AP4B1: variants seen among roughly 807,000 people sequenced by gnomAD.
AP4B1 encodes the protein adaptor related protein complex 4 subunit beta 1, also known as AP-4 complex subunit beta-1.
Under a neutral mutation model 76.5 loss-of-function variants are expected in AP4B1, and 49 were observed. The ratio of observed to expected loss-of-function variants is 0.64; its 90% CI spans 0.51 to 0.81. The LOEUF (loss-of-function observed/expected upper bound fraction) is 0.81, where lower values mean the gene tolerates loss of function less well. AP4B1 is among the 40% of genes least tolerant of loss of function. The pLI is 0.00. For synonymous variants in AP4B1, 330 were observed against 333.3 expected, an observed-to-expected ratio of 0.99 and a Z score of 0.11; for missense variants, 911 against 904.9, an observed-to-expected ratio of 1.01 and a Z score of -0.09.
At chr1:113,897,782 AG>A in intron 7 of AP4B1, 57 bp downstream of exon 7, 8 of 1,566,934 alleles carry the variant, frequency 5.1e-6, no homozygotes, top group Non-Finnish European at 7.0e-6. Context: ...TCCATTTCAA[AG>A]GGCAGGGTTT....
At chr1:113,898,035 C>G (rs1667711654) in intron 6 of AP4B1, 92 bp from the exon 7 acceptor site, 1 of 1,591,472 alleles carries the variant, frequency 6.3e-7, no homozygotes, top group East Asian at 2.3e-5. Context: ...ACTCATGATT[C>G]TGGCTGGATT....
chr1:113,902,696 A>G lies in AP4B1; in HGVS notation c.280T>C (p.Cys94Arg). 1 of 1,614,146 alleles carries G rather than the reference A, an allele frequency of 6.2e-7. No homozygotes were observed. The highest frequency in any genetic ancestry group is 8.5e-7 in the Non-Finnish European group (1 of 1,180,034). ...CGCACCATTGGATTGGGGTCTGAGC[A>G]GTCTTTGCACAGCGTATTGATGGCC... is the stretch of plus-strand genomic sequence containing the variant. ...LLAINTLCKDCSDPNPMVRGL... is the reference protein window; with the variant it reads ...LLAINTLCKDRSDPNPMVRGL... Residue 94 changes from cysteine (C) to arginine (R), a missense_variant, in exon 2 of 10, where the codon TGC becomes CGC. Transcript: ENST00000369569.
chr1:113,902,863 C>A lies in AP4B1; in HGVS notation c.114-1G>T. On this transcript the variant is annotated splice_acceptor_variant, in intron 1 of 9. Transcript: ENST00000369569. LOFTEE classifies it high-confidence loss of function. ...CATGTCCAAGCCTTGAGTCATGTAC[C>A]TGAACAACGCACATGACAGAAGGAA... is the stretch of plus-strand genomic sequence containing the variant. The A allele has an allele frequency of 6.2e-7, 1 of 1,613,588 alleles. No individual in the cohort carries two copies. The highest frequency in any genetic ancestry group is 8.5e-7 in the Non-Finnish European group (1 of 1,179,562).
At chr1:113,901,985 C>T in intron 2 of AP4B1, 100 bp from the exon 3 acceptor site, 1 of 1,402,404 alleles carries the variant, frequency 7.1e-7, no homozygotes, top group East Asian at 2.3e-5. Flanking sequence ...ATGCTGCACC[C>T]ATCAGATCAT....
Position 113,901,379 on chromosome 1 carries a change from A to G in AP4B1, c.474T>C (p.Gly158=), listed in dbSNP as rs1166623580. ...HNLHGDSEVD[G]ALVNELYSLL... ...AACTGTATAATTCATTTACCAGGGC[A>G]CCATCTATAAAAAAGAACAAAGTTC... The change falls in exon 4 of 10, where the codon GGT becomes GGC. Residue 158 remains glycine, a synonymous_variant. Transcript: ENST00000369569. The G allele has an allele frequency of 1.2e-6, 2 of 1,614,044 alleles. No homozygotes were observed. The highest frequency in any genetic ancestry group is 2.2e-5 in the South Asian group (2 of 91,080).
chr1:113,898,838 G>GA (rs1318272282), intron 5 of AP4B1, 37 bp from the exon 6 acceptor site: 2 of 1,438,220 alleles, frequency 1.4e-6, no homozygotes, highest in Admixed American at 3.4e-5. Flanking sequence ...ACTGCTAAGT[G>GA]AAATATTAGC....
chr1:113,902,309 G>T (rs1668374654), intron 2 of AP4B1, among the ~76,000 whole-genome samples: 1 of 152,120 alleles, frequency 6.6e-6, no homozygotes, highest in South Asian at 2.1e-4. Context: ...GGGTCTACAG[G>T]CATGAGCCAC....
rs1667252671 is a variant in AP4B1 at position 113,894,228 on chromosome 1, T to C, written c.*837A>G. Among the ~76,000 whole-genome samples the C allele has an allele frequency of 6.6e-6, 1 of 152,258 alleles. No individual in the cohort carries two copies. The highest frequency in any genetic ancestry group is 1.5e-5 in the Non-Finnish European group (1 of 68,050). On this transcript the variant is annotated 3_prime_UTR_variant, in exon 10 of 10. Transcript: ENST00000369569. ...TACCATCATTTTATTAGATTTGTTC[T>C]TGCCATAAGTTGCTTCAATGTACAA... is the stretch of plus-strand genomic sequence containing the variant.
chr1:113,896,251 A>G lies in AP4B1; in HGVS notation c.1510+7T>C. 6.2e-7 allele frequency: 1 copy of G among 1,614,162 alleles called. No homozygotes were observed. The highest frequency in any genetic ancestry group is 8.5e-7 in the Non-Finnish European group (1 of 1,180,000). On this transcript the variant is annotated splice_region_variant and intron_variant, in intron 8 of 9. Coordinates refer to ENST00000369569, the MANE Select transcript of AP4B1 (RefSeq NM_001253852.3). ...TGGCAAATACTATTTCCTTCTGAAA[A>G]ACCCACCTATGCAGTAATACAACAA...
At chr1:113,900,976 G>A (rs1311705461) in intron 4 of AP4B1, 17 of 440,902 alleles carry the variant, frequency 3.9e-5, no homozygotes, top group Middle Eastern at 6.6e-4. Context: ...GCATGGTGGC[G>A]CATGCCTATA....
rs199523647 is a variant in AP4B1 at position 113,904,595 on chromosome 1, T to A, written c.113+10A>T. On this transcript the variant is annotated intron_variant, in intron 1 of 9. Coordinates refer to ENST00000369569, the MANE Select transcript of AP4B1 (RefSeq NM_001253852.3). ...GGAGCAGTTAGCACGCGAAGGGAGG[T>A]AGGTGATACCTAATCACTCGCTGGA... 21 of 1,612,908 alleles carry A rather than the reference T, an allele frequency of 1.3e-5. No individual in the cohort carries two copies. The highest frequency in any genetic ancestry group is 1.7e-5 in the Non-Finnish European group (20 of 1,179,178).
chr1:113,897,345 T>C, intron 7 of AP4B1: 2 of 184,598 alleles, frequency 1.1e-5, no homozygotes, highest in South Asian at 2.1e-4. Context: ...TAATCCTAGC[T>C]CTCTGGGATG....
intron 8 of AP4B1, 77 bp from the exon 9 acceptor site, chr1:113,896,115 G>GA: frequency 5.6e-6 from 9 of 1,604,474 alleles, no homozygotes; most frequent in Non-Finnish European, 6.8e-6. Flanking sequence ...CATAATAGGA[G>GA]AAAAAAATGA....
In AP4B1 at chr1:113,898,736, G is replaced by C. The variant is rs1558085473; in HGVS notation, c.1180C>G (p.Gln394Glu). The change falls in exon 6 of 10, where the codon CAA (glutamine) becomes GAA (glutamate). Residue 394 changes from glutamine to glutamate, a missense_variant. Physicochemically the swap from Gln to Glu is conservative, Grantham distance 29. Transcript: ENST00000369569. Reference protein sequence around the residue: ...QILTELLGLRQEHITTVVVQT... With the variant: ...QILTELLGLREEHITTVVVQT... ...GCATTACCTGTGGTAATGTGCTCTTGTCGAAGACCCAGCAACTCTGTTAAA... is the reference window on the plus strand; with the variant it reads ...GCATTACCTGTGGTAATGTGCTCTTCTCGAAGACCCAGCAACTCTGTTAAA... 1.9e-6 allele frequency: 3 copies of C among 1,609,594 alleles called. No homozygotes were observed. The highest frequency in any genetic ancestry group is 1.3e-5 in the African/African-American group (1 of 75,004).
At position 113,899,745 on chromosome 1, in the gene AP4B1, C is replaced by G; in HGVS notation, c.1114+159G>C. ...AAAAAACAAAAAACAAAAAAAAACT[C>G]TCTTCCCCCGTGTTTGTAGTCACTG... On this transcript the variant is annotated intron_variant, in intron 5 of 9. Coordinates refer to ENST00000369569, the MANE Select transcript of AP4B1 (RefSeq NM_001253852.3). 1.7e-6 allele frequency: 2 copies of G among 1,176,090 alleles called. 1 individual carries two copies. Among genetic ancestry groups the G allele is most frequent in the Non-Finnish European group, 2.4e-6 (2 of 820,478 alleles). The allele number at this position is 1,176,090 out of a possible 1,614,324, so 72.9% of individuals were successfully genotyped here.
At chr1:113,899,818 G>C (rs755326509) in intron 5 of AP4B1, 86 bp downstream of exon 5, 1 of 1,603,676 alleles carries the variant, frequency 6.2e-7, no homozygotes, top group Admixed American at 1.7e-5. Flanking sequence ...CAAGATTCAT[G>C]CCCTTTGCTC....
intron 4 of AP4B1, 46 bp downstream of exon 4, chr1:113,901,190 C>A: frequency 6.2e-7 from 1 of 1,609,748 alleles, no homozygotes. Context: ...CAAGATCCCA[C>A]AAGGTAGCAG....
intron 5 of AP4B1, 83 bp from the exon 6 acceptor site, chr1:113,898,884 C>T: frequency 1.0e-6 from 1 of 954,996 alleles, no homozygotes; most frequent in African/African-American, 1.8e-5. Context: ...CAGTGAAAGA[C>T]AAAAGAAACA....
Position 113,900,213 on chromosome 1 carries a change from C to T in AP4B1, c.805G>A (p.Val269Ile), listed in dbSNP as rs145820731. 1.2e-5 allele frequency: 19 copies of T among 1,610,754 alleles called. No homozygotes were observed. The highest frequency in any genetic ancestry group is 1.6e-4 in the Middle Eastern group (1 of 6,064). The change falls in exon 5 of 10, where the codon GTA becomes ATA. Residue 269 changes from valine to isoleucine, a missense_variant. By Grantham distance (29) the Val-to-Ile change is conservative. Transcript: ENST00000369569. Reference protein sequence around the residue: ...FLILAKMFPHVQTDVLVRVKG... With the variant: ...FLILAKMFPHIQTDVLVRVKG... ...ACCCGCACAAGGACATCAGTTTGTA[C>T]GTGGGGAAACATTTTTGCCAAGATC... is the stretch of plus-strand genomic sequence containing the variant.
Sources: allele counts gnomAD v4.1 joint callset (sites outside exome capture counted in the v4.1 genomes callset), GRCh38; gene constraint gnomAD v4.1.1; transcripts MANE v1.5; gene names NCBI Gene and HGNC (gene_info 2026-07-23, HGNC 2026-07-21).